MCCC2: variants seen among roughly 807,000 people sequenced by gnomAD.
MCCC2 encodes the protein methylcrotonyl-CoA carboxylase subunit 2, also known as methylcrotonoyl-CoA carboxylase beta chain, mitochondrial.
MCCC2 carries 52 observed loss-of-function variants against 77.2 expected under a neutral mutation model. The observed-to-expected ratio is 0.67, with a 90% CI of 0.54 to 0.85. The LOEUF (loss-of-function observed/expected upper bound fraction) is 0.85. MCCC2 is among the 40% of genes least tolerant of loss of function. The probability of loss-of-function intolerance (pLI) is 0.00; values close to 1 mark genes in which losing one functional copy is unlikely to be tolerated. For missense variants in MCCC2, 682 were observed against 703.2 expected (o/e 0.97, Z 0.34); for synonymous variants, 253 against 248.4 (o/e 1.02, Z -0.18).
At chr5:71,633,082 T>C (rs1274524643) in intron 8 of MCCC2, among the ~76,000 whole-genome samples, 1 of 138,420 alleles carries the variant, frequency 7.2e-6, no homozygotes, top group Non-Finnish European at 1.5e-5. Flanking sequence ...GAGGGTTTTT[T>C]TTTCAGTTTT....
At chr5:71,648,407 G>A (rs1747332208) in intron 13 of MCCC2, among the ~76,000 whole-genome samples, 1 of 152,156 alleles carries the variant, frequency 6.6e-6, no homozygotes, top group Admixed American at 6.5e-5. Context: ...AGAAATAGAA[G>A]GATCCTCTAT....
chr5:71,624,671 C>A (rs1164445338), intron 6 of MCCC2, among the ~76,000 whole-genome samples: 2 of 147,478 alleles, frequency 1.4e-5, no homozygotes, highest in Non-Finnish European at 3.0e-5. Flanking sequence ...GCTACCACAC[C>A]CAGCCCCTGC....
chr5:71,594,669 C>G (rs1745105606), intron 2 of MCCC2, among the ~76,000 whole-genome samples: 1 of 151,976 alleles, frequency 6.6e-6, no homozygotes, highest in African/African-American at 2.4e-5. Context: ...CTGAGCCGGA[C>G]TCCCTGGGGA....
intron 7 of MCCC2, among the ~76,000 whole-genome samples, chr5:71,630,219 A>G (rs1746661968): frequency 6.6e-6 from 1 of 152,154 alleles, no homozygotes. Flanking sequence ...ATGTTGAGAA[A>G]GGGCTTTGAA....
At chr5:71,632,077 G>A in intron 7 of MCCC2, 44 bp from the exon 8 acceptor site, 1 of 1,576,028 alleles carries the variant, frequency 6.3e-7, no homozygotes, top group Non-Finnish European at 8.7e-7. Flanking sequence ...ATTTTTATAT[G>A]TCTGATGGAC....
intron 6 of MCCC2, among the ~76,000 whole-genome samples, chr5:71,604,758 A>G (rs1484367266): frequency 6.8e-6 from 1 of 147,202 alleles, no homozygotes; most frequent in East Asian, 2.0e-4. Flanking sequence ...CAGTCCCCAG[A>G]GTGTGATATT....
intron 10 of MCCC2, among the ~76,000 whole-genome samples, chr5:71,639,892 A>G (rs1009593779): frequency 1.3e-5 from 2 of 152,198 alleles, no homozygotes; most frequent in African/African-American, 2.4e-5. Context: ...CTTTTACTTG[A>G]TGGTGAGAAA....
chr5:71,631,634 G>A (rs1409056823), intron 7 of MCCC2, among the ~76,000 whole-genome samples: 1 of 149,424 alleles, frequency 6.7e-6, no homozygotes, highest in African/African-American at 2.5e-5. Flanking sequence ...TCCGCTTCCC[G>A]GGTTCACGCC....
At chr5:71,626,019 G>T (rs1048725678) in intron 6 of MCCC2, among the ~76,000 whole-genome samples, 2 of 152,118 alleles carry the variant, frequency 1.3e-5, no homozygotes, top group Non-Finnish European at 2.9e-5. Context: ...TTCTGAGCAA[G>T]ATTTTTTTAA....
chr5:71,653,325 G>A (rs1156502972), intron 16 of MCCC2, among the ~76,000 whole-genome samples: 4 of 151,098 alleles, frequency 2.6e-5, no homozygotes, highest in African/African-American at 9.6e-5. Flanking sequence ...ACCACTTAAT[G>A]AGGTAATAAA....
rs534365278 is a variant in MCCC2 at position 71,647,752 on chromosome 5, GAGA to G, written c.1217-1339_1217-1337del. Among the ~76,000 whole-genome samples, 6 of 152,312 alleles carry G rather than the reference GAGA, an allele frequency of 3.9e-5. No individual in the cohort carries two copies. The South Asian group carries it at 8.3e-4, about 21-fold the overall frequency. ...ATAGATAAGAACCCCCCTGAGAGAA[GAGA>G]AGAAGGTTCAGTGACAGTCTTCGAG... On this transcript the variant is annotated intron_variant, in intron 13 of 16. Transcript: ENST00000340941.
intron 6 of MCCC2, among the ~76,000 whole-genome samples, chr5:71,610,587 C>T (rs1434249333): frequency 3.3e-5 from 5 of 152,180 alleles, no homozygotes. Flanking sequence ...CATCTTGGCT[C>T]CTCCCCAAAA....
intron 15 of MCCC2, 24 bp downstream of exon 15, chr5:71,650,207 C>T (rs1561848374): frequency 6.2e-7 from 1 of 1,602,466 alleles, no homozygotes; most frequent in Non-Finnish European, 8.5e-7. Flanking sequence ...TCTCTTGTTT[C>T]TCTCTGGTTT....
At position 71,657,120 on chromosome 5, in the gene MCCC2, T is replaced by A. The variant is rs886060739; in HGVS notation, c.*260T>A. 2.2e-4 allele frequency: 90 copies of A among 416,414 alleles called. No individual in the cohort carries two copies. The highest frequency in any genetic ancestry group is 1.8e-5 in the Non-Finnish European group (4 of 224,382). 25.8% of individuals were successfully genotyped at this position (416,414 alleles called of 1,614,324 possible). A position where few individuals can be genotyped will look rare whatever the true frequency, so the allele number is the denominator to read the frequency against. ...GACAGTAATTTACGGTTATCCTTTC[T>A]GACCCACAAAGTATGAAAAGTTCTG... On this transcript the variant is annotated 3_prime_UTR_variant, in exon 17 of 17. Coordinates refer to ENST00000340941, the MANE Select transcript of MCCC2 (RefSeq NM_022132.5).
chr5:71,649,354 C>A, intron 14 of MCCC2, 101 bp downstream of exon 14: 1 of 1,134,910 alleles, frequency 8.8e-7, no homozygotes, highest in Non-Finnish European at 1.3e-6. Flanking sequence ...ATGCCATTCC[C>A]AGATCTCAAT....
rs1174093285 is a variant in MCCC2 at position 71,644,060 on chromosome 5, TGTGTGTGTGTGCGC to T, written c.1149+167_1149+180del. ...GTGTGTGTGTGTGTGTGTGTGTGTG[TGTGTGTGTGTGCGC>T]GCGTGTGTATATATGTGCATGTATG... On this transcript the variant is annotated intron_variant, in intron 12 of 16. Coordinates refer to ENST00000340941, the MANE Select transcript of MCCC2 (RefSeq NM_022132.5). Among the ~76,000 whole-genome samples, 840 of 147,876 alleles carry T rather than the reference TGTGTGTGTGTGCGC, an allele frequency of 5.7e-3. 11 individuals carry two copies. The highest frequency in any genetic ancestry group is 0.018 in the African/African-American group (686 of 38,662).
intron 15 of MCCC2, 119 bp from the exon 16 acceptor site, chr5:71,652,550 G>A: frequency 1.3e-6 from 1 of 789,354 alleles, no homozygotes; most frequent in East Asian, 2.7e-5. Context: ...ACATCACTAT[G>A]CACATGTTAG....
intron 1 of MCCC2, among the ~76,000 whole-genome samples, chr5:71,588,061 G>A (rs1744832089): frequency 1.3e-5 from 2 of 152,200 alleles, no homozygotes; most frequent in East Asian, 1.9e-4. Context: ...CTGAGATCAG[G>A]AGTTCGAGAA....
In MCCC2 at chr5:71,596,896, T is replaced by C. The variant is rs6859450; in HGVS notation, c.281+532T>C. On this transcript the variant is annotated intron_variant, in intron 3 of 16. Coordinates refer to ENST00000340941, the MANE Select transcript of MCCC2 (RefSeq NM_022132.5). ...CAGAGGTTGCAGTGAGACGAGATTG[T>C]GCCACTGCACTCCAGCCTGGGTGAC... 4.1e-3 allele frequency among the ~76,000 whole-genome samples: 621 copies of C among 151,856 alleles called. 5 individuals carry two copies. Among genetic ancestry groups the C allele is most frequent in the African/African-American group, 0.014 (588 of 41,372 alleles).
Sources: gnomAD v4.1 joint callset for allele counts (sites outside exome capture counted in the v4.1 genomes callset) on GRCh38, gnomAD v4.1.1 for gene constraint, MANE v1.5 for transcripts, NCBI Gene and HGNC (gene_info 2026-07-23, HGNC 2026-07-21) for gene names.